SEMA4D: variants seen among roughly 807,000 people sequenced by gnomAD.
SEMA4D encodes semaphorin-4D.
SEMA4D carries 22 observed loss-of-function variants against 74.8 expected under a neutral mutation model. That is an observed-to-expected ratio of 0.29 (90% CI 0.21 to 0.42). The LOEUF (loss-of-function observed/expected upper bound fraction) is 0.42. Among genes scored for constraint, SEMA4D ranks in the 10% least tolerant of loss-of-function variants. The pLI, the probability that SEMA4D is intolerant of heterozygous loss-of-function variation, is 1.00. For missense variants in SEMA4D, 937 were observed against 1,118.4 expected (o/e 0.84, Z 2.31); for synonymous variants, 445 against 463.7 (o/e 0.96, Z 0.52).
intron 1 of SEMA4D, among the ~76,000 whole-genome samples, chr9:89,476,836 T>C (rs770671077): frequency 6.6e-6 from 1 of 152,182 alleles, no homozygotes; most frequent in African/African-American, 2.4e-5. Context: ...GAAGCCCCCA[T>C]GACCACATGG....
chr9:89,446,756 G>T (rs1852974117), intron 2 of SEMA4D, among the ~76,000 whole-genome samples: 2 of 152,148 alleles, frequency 1.3e-5, no homozygotes, highest in South Asian at 2.1e-4. Flanking sequence ...TGAAAGGGGG[G>T]TTATGTGCCA....
intron 13 of SEMA4D, among the ~76,000 whole-genome samples, chr9:89,383,272 C>A (rs1217508481): frequency 6.6e-6 from 1 of 152,126 alleles, no homozygotes; most frequent in Non-Finnish European, 1.5e-5. Context: ...GCTCACTCTC[C>A]CCCACCCCCA....
chr9:89,444,987 A>G (rs1852495407), intron 2 of SEMA4D, among the ~76,000 whole-genome samples: 1 of 152,196 alleles, frequency 6.6e-6, no homozygotes, highest in Non-Finnish European at 1.5e-5. Context: ...GGCGATTCAC[A>G]GAAGATCCAA....
At chr9:89,410,478 T>C (rs73484082) in intron 2 of SEMA4D, among the ~76,000 whole-genome samples, 1,698 of 151,830 alleles carry the variant, frequency 0.011, 24 homozygotes, top group African/African-American at 0.038. Flanking sequence ...ACCTGGAAAA[T>C]GGAAGCAAGC....
chr9:89,465,246 G>A (rs1305546004), intron 1 of SEMA4D, among the ~76,000 whole-genome samples: 1 of 152,186 alleles, frequency 6.6e-6, no homozygotes, highest in African/African-American at 2.4e-5. Context: ...GCGGAGAACA[G>A]ACAAGAGGGG....
Position 89,402,913 on chromosome 9 carries a change from G to A in SEMA4D, c.210C>T (p.Val70=). 1 of 1,614,142 alleles carries A rather than the reference G, an allele frequency of 6.2e-7. No homozygotes were observed. The highest frequency in any genetic ancestry group is 2.2e-5 in the East Asian group (1 of 44,880). ...DTLYIGAREA[V]FAVNALNISE... is the part of the protein sequence containing the mutation. ...AGATGTTGAGTGCGTTCACAGCGAA[G>A]ACCGCCTCCCGGGCACCTATGTACA... The change falls in exon 4 of 16, where the codon GTC becomes GTT. Residue 70 remains valine, a synonymous_variant. Coordinates refer to ENST00000422704, the MANE Select transcript of SEMA4D (RefSeq NM_001371194.2).
chr9:89,429,466 G>T (rs547163496), intron 2 of SEMA4D, among the ~76,000 whole-genome samples: 2 of 152,144 alleles, frequency 1.3e-5, no homozygotes, highest in African/African-American at 2.4e-5. Flanking sequence ...ATCAGTGTTG[G>T]GGGGTAGGGG....
downstream of SEMA4D, among the ~76,000 whole-genome samples, chr9:89,372,259 GGT>G (rs1835153390): frequency 9.6e-6 from 1 of 104,336 alleles, no homozygotes. Flanking sequence ...GGCTGTGGTG[GGT>G]GTGTGGGGTG....
intron 1 of SEMA4D, among the ~76,000 whole-genome samples, chr9:89,468,339 G>C (rs1859286345): frequency 6.6e-6 from 1 of 152,114 alleles, no homozygotes; most frequent in Admixed American, 6.6e-5. Flanking sequence ...CCCTCACATA[G>C]GAAGATGCTA....
At chr9:89,376,998 C>T (rs1385362642), downstream of SEMA4D, 4 of 1,549,058 alleles carry the variant, frequency 2.6e-6, no homozygotes, top group Non-Finnish European at 3.5e-6. Flanking sequence ...CCCACATGGC[C>T]CAGACAGGAC....
chr9:89,437,886 A>G (rs1435602252), intron 2 of SEMA4D, among the ~76,000 whole-genome samples: 2 of 152,206 alleles, frequency 1.3e-5, no homozygotes, highest in Non-Finnish European at 2.9e-5. Context: ...CAAGTCTAAA[A>G]TTCCTTAAAT....
intron 1 of SEMA4D, among the ~76,000 whole-genome samples, chr9:89,471,195 G>A (rs112604739): frequency 0.018 from 2,759 of 152,274 alleles, 78 homozygotes; most frequent in African/African-American, 0.063. Flanking sequence ...CAGTCACAGC[G>A]ACAGAAAGGG....
Position 89,456,869 on chromosome 9 carries a change from G to A in SEMA4D, c.-309-916C>T, listed in dbSNP as rs560564957. On this transcript the variant is annotated intron_variant, in intron 1 of 15. Coordinates refer to ENST00000422704, the MANE Select transcript of SEMA4D (RefSeq NM_001371194.2). ...CCCTAAGTGCTGGGATTACAGGCAT[G>A]AGCCACCGCGTCCAGCTGGGAGGGA... 1.4e-4 allele frequency among the ~76,000 whole-genome samples: 22 copies of A among 152,346 alleles called. 1 individual carries two copies. In the South Asian group the frequency reaches 4.1e-3, roughly 29 times the overall value.
intron 15 of SEMA4D, among the ~76,000 whole-genome samples, chr9:89,379,944 T>C (rs1262144892): frequency 6.6e-6 from 1 of 152,226 alleles, no homozygotes; most frequent in Admixed American, 6.5e-5. Context: ...GTCAGCTCTT[T>C]GAATCAGACA....
At chr9:89,401,112 T>C (rs995363304) in intron 4 of SEMA4D, among the ~76,000 whole-genome samples, 4 of 151,982 alleles carry the variant, frequency 2.6e-5, no homozygotes, top group African/African-American at 7.3e-5. Context: ...TGGACTGCAG[T>C]GGCATGATCT....
chr9:89,371,512 GTGTC>G (rs1397208356), intron 16 of SEMA4D, among the ~76,000 whole-genome samples: 1 of 88,272 alleles, frequency 1.1e-5, no homozygotes, highest in Non-Finnish European at 2.2e-5. Context: ...TAGTGTGTGT[GTGTC>G]TGGGGTGTGG....
chr9:89,373,420 A>G (rs2132523829), downstream of SEMA4D, among the ~76,000 whole-genome samples: 1 of 152,222 alleles, frequency 6.6e-6, no homozygotes, highest in East Asian at 1.9e-4. Flanking sequence ...ATGGGCCTCC[A>G]CCAGCTCTGG....
rs76110980 is a variant in SEMA4D at position 89,468,037 on chromosome 9, T to C, written c.-309-12084A>G. ...AGTCAGCCTGTCCAAAGAGAATCATTTGCGAGAAGACACCGAAAGACTAGG... is the reference window on the plus strand; with the variant it reads ...AGTCAGCCTGTCCAAAGAGAATCATCTGCGAGAAGACACCGAAAGACTAGG... On this transcript the variant is annotated intron_variant, in intron 1 of 15. Transcript: ENST00000422704. Among the ~76,000 whole-genome samples the C allele has an allele frequency of 8.9e-3, 1,356 of 152,208 alleles. 9 individuals carry two copies. Among genetic ancestry groups the C allele is most frequent in the Non-Finnish European group, 0.013 (864 of 67,990 alleles).
chr9:89,378,668 C>A lies in SEMA4D; in HGVS notation c.*36G>T. ...CAAAACTCTCCACGCCTGGACACGT[C>A]GCAGCCGAGGCACCAGCGGGGATGC... On this transcript the variant is annotated 3_prime_UTR_variant, in exon 16 of 16. Coordinates refer to ENST00000422704, the MANE Select transcript of SEMA4D (RefSeq NM_001371194.2). 1 of 1,538,584 alleles carries A rather than the reference C, an allele frequency of 6.5e-7. No homozygotes were observed. Among genetic ancestry groups the A allele is most frequent in the South Asian group, 1.1e-5 (1 of 88,476 alleles).
Sources: gnomAD v4.1 joint callset for allele counts (sites outside exome capture counted in the v4.1 genomes callset) on GRCh38, gnomAD v4.1.1 for gene constraint, MANE v1.5 for transcripts, NCBI Gene and HGNC (gene_info 2026-07-23, HGNC 2026-07-21) for gene names.